ST6GALNAC6: variants seen among roughly 807,000 people sequenced by gnomAD.
ST6GALNAC6 encodes the protein alpha-N-acetylgalactosaminide alpha-2,6-sialyltransferase 6.
Under a neutral mutation model 34.3 loss-of-function variants are expected in ST6GALNAC6, and 19 were observed. That is an observed-to-expected ratio of 0.55 (90% CI 0.39 to 0.81). The LOEUF (loss-of-function observed/expected upper bound fraction) is 0.81, where lower values mean the gene tolerates loss of function less well. ST6GALNAC6 is among the 40% of genes least tolerant of loss of function. ST6GALNAC6 has a pLI of 0.00. For missense variants in ST6GALNAC6, 377 were observed against 467.7 expected (o/e 0.81, Z 1.79); for synonymous variants, 185 against 182.1 (o/e 1.02, Z -0.13).
chr9:127,895,822 G>C (rs1033475585), intron 3 of ST6GALNAC6, among the ~76,000 whole-genome samples: 1 of 152,192 alleles, frequency 6.6e-6, no homozygotes. Flanking sequence ...AGGAAAGAAT[G>C]AATGAATGAA....
intron 3 of ST6GALNAC6, 108 bp downstream of exon 3, chr9:127,896,134 G>T: frequency 7.7e-7 from 1 of 1,298,596 alleles, no homozygotes; most frequent in Non-Finnish European, 1.1e-6. Context: ...GCTTCTTGCG[G>T]GGAAGAAGAG....
chr9:127,898,739 G>A (rs544843737), intron 1 of ST6GALNAC6, among the ~76,000 whole-genome samples: 1 of 152,392 alleles, frequency 6.6e-6, no homozygotes, highest in African/African-American at 2.4e-5. Context: ...TTGTTTACAG[G>A]GAGCTGCCCA....
chr9:127,898,326 G>A (rs1830594843), intron 1 of ST6GALNAC6, among the ~76,000 whole-genome samples: 1 of 152,220 alleles, frequency 6.6e-6, no homozygotes, highest in South Asian at 2.1e-4. Context: ...CCGGGAGGCG[G>A]AGGTTGCAGT....
At position 127,886,616 on chromosome 9, in the gene ST6GALNAC6, G is replaced by T. The variant is rs1275240289; in HGVS notation, c.985C>A (p.His329Asn). The T allele has an allele frequency of 6.2e-7, 1 of 1,613,962 alleles. No homozygotes were observed. Among genetic ancestry groups the T allele is most frequent in the East Asian group, 2.2e-5 (1 of 44,876 alleles). ...TGGGTGGCCTAGGTCCAGGAGGGGT[G>T]GGAGAAGGTGATGCCATACAGCTGG... ...WAQLYGITFS[H>N]PSWT is the part of the protein sequence containing the mutation. The change falls in exon 7 of 7, where the codon CAC becomes AAC. Residue 329 changes from histidine to asparagine, a missense_variant. Coordinates refer to ENST00000373146, the MANE Select transcript of ST6GALNAC6 (RefSeq NM_013443.5).
chr9:127,899,697 G>A, upstream of ST6GALNAC6: 1 of 980,608 alleles, frequency 1.0e-6, no homozygotes, highest in Non-Finnish European at 1.2e-6. Flanking sequence ...GGGTGGCTCC[G>A]CCCACGGGCG....
upstream of ST6GALNAC6, among the ~76,000 whole-genome samples, chr9:127,900,514 C>T (rs968733972): frequency 1.6e-5 from 2 of 128,452 alleles, no homozygotes; most frequent in East Asian, 4.6e-4. Context: ...GAGCCGAGAT[C>T]ACGCCATTGC....
chr9:127,903,702 C>G (rs1443527699), upstream of ST6GALNAC6: 1 of 152,222 alleles, frequency 6.6e-6, no homozygotes, highest in Non-Finnish European at 1.5e-5. Context: ...CGACCCCGCC[C>G]TACAAGTGAC....
intron 2 of ST6GALNAC6, among the ~76,000 whole-genome samples, chr9:127,896,703 C>T (rs1164961385): frequency 2.0e-5 from 3 of 152,200 alleles, no homozygotes; most frequent in Non-Finnish European, 2.9e-5. Flanking sequence ...TAAAACAACA[C>T]CGCTTGTAGG....
In ST6GALNAC6 at chr9:127,890,686, G is replaced by A. The variant is rs754017566; in HGVS notation, c.655C>T (p.Arg219Cys). ...AAGAGGTCGTCAAATTGCCGCATGC[G>A]GCCGGGAGAGACGGCATATGCTTCC... ...NMEAYAVSPG[R>C]MRQFDDLFRG... The change falls in exon 5 of 7, where the codon CGC becomes TGC. Residue 219 changes from arginine (R) to cysteine (C), a missense_variant. Physicochemically the swap from Arg to Cys is radical, Grantham distance 180 (BLOSUM62 -3). Coordinates refer to ENST00000373146, the MANE Select transcript of ST6GALNAC6 (RefSeq NM_013443.5). The surrounding 1 kb of genome is among the most constrained non-coding windows in gnomAD (Gnocchi z 4.3). 3 of 1,613,440 alleles carry A rather than the reference G, an allele frequency of 1.9e-6. No homozygotes were observed. Among genetic ancestry groups the A allele is most frequent in the African/African-American group, 1.3e-5 (1 of 75,056 alleles).
upstream of ST6GALNAC6, chr9:127,905,403 A>G (rs1830891141): frequency 2.0e-6 from 2 of 985,450 alleles, no homozygotes; most frequent in Non-Finnish European, 2.4e-6. Context: ...CCAACCCAGC[A>G]GTAAATACCC....
Position 127,886,512 on chromosome 9 carries a change from G to A in ST6GALNAC6, c.*87C>T. The A allele has an allele frequency of 6.4e-7, 1 of 1,552,410 alleles. No homozygotes were observed. Among genetic ancestry groups the A allele is most frequent in the South Asian group, 1.2e-5 (1 of 82,314 alleles). On this transcript the variant is annotated 3_prime_UTR_variant, in exon 7 of 7. Coordinates refer to ENST00000373146, the MANE Select transcript of ST6GALNAC6 (RefSeq NM_013443.5). The stretch of plus-strand genomic sequence containing the variant: ...GCTGGGAGACACTCCAGCAAGCCTT[G>A]ATTGGCCAGAAGATGGTCCCTGGCC...
At chr9:127,897,906 G>C (rs767567040) in intron 2 of ST6GALNAC6, 50 bp downstream of exon 2, 1 of 1,613,374 alleles carries the variant, frequency 6.2e-7, no homozygotes, top group African/African-American at 1.3e-5. Context: ...GAAGGCCATG[G>C]TCAGTACAGC....
At chr9:127,896,442 AG>A (rs1269707414) in intron 2 of ST6GALNAC6, 110 bp from the exon 3 acceptor site, 1 of 936,092 alleles carries the variant, frequency 1.1e-6, no homozygotes, top group East Asian at 2.5e-5. Context: ...CAGAACTTTA[AG>A]GCTCAGGACT....
Position 127,890,390 on chromosome 9 carries a change from G to A in ST6GALNAC6, c.704+247C>T, listed in dbSNP as rs1830062648. Among the ~76,000 whole-genome samples, 1 of 152,126 alleles carries A rather than the reference G, an allele frequency of 6.6e-6. No individual in the cohort carries two copies. The highest frequency in any genetic ancestry group is 1.5e-5 in the Non-Finnish European group (1 of 67,992). ...CAGAGCATGCTGGGTGGGAGCCCTT[G>A]TGCCCTCACAGCAAGGTATGCCAGG... On this transcript the variant is annotated intron_variant, in intron 5 of 6. Transcript: ENST00000373146. The surrounding 1 kb of genome is among the most constrained non-coding windows in gnomAD (Gnocchi z 4.3).
chr9:127,897,830 G>C, intron 2 of ST6GALNAC6, 126 bp downstream of exon 2: 1 of 1,568,306 alleles, frequency 6.4e-7, no homozygotes, highest in Non-Finnish European at 8.7e-7. Flanking sequence ...TCCCACCTTT[G>C]CCCGAGCTGT....
rs185073232 is a variant in ST6GALNAC6, at chr9:127,885,879, A to G, written c.*720T>C. ...GGAGGTCACCCCAGACCCCCCAAAGAGCTGAGCCTTCCAGCAAGGGATAGT... is the reference window on the plus strand; with the variant it reads ...GGAGGTCACCCCAGACCCCCCAAAGGGCTGAGCCTTCCAGCAAGGGATAGT... On this transcript the variant is annotated 3_prime_UTR_variant, in exon 7 of 7. Coordinates refer to ENST00000373146, the MANE Select transcript of ST6GALNAC6 (RefSeq NM_013443.5). The G allele has an allele frequency of 6.6e-6, 1 of 152,322 alleles. No individual in the cohort carries two copies. The highest frequency in any genetic ancestry group is 1.9e-4 in the East Asian group (1 of 5,174). 9.4% of individuals were successfully genotyped at this position (152,322 alleles called of 1,614,324 possible). A position where few individuals can be genotyped will look rare whatever the true frequency, so the allele number is the denominator to read the frequency against.
chr9:127,898,878 TG>T lies in ST6GALNAC6; in HGVS notation c.-30+624del, dbSNP rs144971698. On this transcript the variant is annotated intron_variant, in intron 1 of 6. Transcript: ENST00000373146. ...CGGGGGTCTAGGGGTGCCGGCCTGTTGGGGAGCGGCTTGCTCACGCTGGGGA... is the reference window on the plus strand; with the variant it reads ...CGGGGGTCTAGGGGTGCCGGCCTGTTGGGAGCGGCTTGCTCACGCTGGGGA... 4.5e-4 allele frequency among the ~76,000 whole-genome samples: 69 copies of T among 151,758 alleles called. No homozygotes were observed. The East Asian group carries it at 0.012, about 26-fold the overall frequency.
upstream of ST6GALNAC6, among the ~76,000 whole-genome samples, chr9:127,906,470 CA>C (rs1050904571): frequency 6.6e-6 from 1 of 152,140 alleles, no homozygotes; most frequent in African/African-American, 2.4e-5. Flanking sequence ...CTCTCCAGCC[CA>C]GGGGTGCAGG....
chr9:127,899,477 C>A (rs1172443579), intron 1 of ST6GALNAC6, 26 bp downstream of exon 1: 1 of 956,250 alleles, frequency 1.0e-6, no homozygotes, highest in Non-Finnish European at 1.2e-6. Flanking sequence ...GCCCCCGCGG[C>A]CTGCTCCCGC....
Sources: gnomAD v4.1 joint callset for allele counts (sites outside exome capture counted in the v4.1 genomes callset) on GRCh38, gnomAD v4.1.1 for gene constraint, Gnocchi (gnomAD v3.1) non-coding constraint, MANE v1.5 for transcripts, NCBI Gene and HGNC (gene_info 2026-07-23, HGNC 2026-07-21) for gene names.